PLEC: variants seen among roughly 807,000 people sequenced by gnomAD.
PLEC encodes hemidesmosomal protein 1.
In PLEC, 216 loss-of-function variants were observed where a neutral mutation model predicts 392.8. The observed-to-expected ratio is 0.55, with a 90% CI of 0.49 to 0.62. The LOEUF (loss-of-function observed/expected upper bound fraction) is 0.62, where lower values mean the gene tolerates loss of function less well. Ranked by LOEUF, PLEC falls within the 20% of genes least tolerant of loss-of-function variation. The pLI, the probability that PLEC is intolerant of heterozygous loss-of-function variation, is 0.00. For synonymous variants in PLEC, 3,621 were observed against 2,980.6 expected, an observed-to-expected ratio of 1.21 and a Z score of -7.00; for missense variants, 6,863 against 6,563.4, an observed-to-expected ratio of 1.05 and a Z score of -1.58.
At chr8:143,975,117 C>A (rs1833613098), upstream of PLEC, 4 of 1,550,178 alleles carry the variant, frequency 2.6e-6, no homozygotes, top group Non-Finnish European at 3.5e-6. This position sits in a 1 kb window ranked among gnomAD's most constrained non-coding sequence, Gnocchi z 9.9. Flanking sequence ...TAGCACGCAG[C>A]GGGAACTCAG....
chr8:143,920,147 T>G lies in PLEC; in HGVS notation c.9674A>C (p.Tyr3225Ser). ...KAARARQEEL[Y>S]SELQARETFE... ...GGTCTCACGGGCCTGCAGCTCTGAG[T>G]AGAGCTCCTCCTGCCGGGCCCGAGC... Residue 3225 changes from tyrosine to serine, a missense_variant, in exon 32 of 32, where the codon TAC becomes TCC. By Grantham distance (144) the Tyr-to-Ser change is moderately radical. Coordinates refer to ENST00000345136, the MANE Select transcript of PLEC (RefSeq NM_201384.3). 2.5e-6 allele frequency: 4 copies of G among 1,612,682 alleles called. No individual in the cohort carries two copies. Among genetic ancestry groups the G allele is most frequent in the South Asian group, 2.2e-5 (2 of 91,090 alleles).
At chr8:143,943,075 C>T (rs1042201073), upstream of PLEC, among the ~76,000 whole-genome samples, 4 of 152,174 alleles carry the variant, frequency 2.6e-5, no homozygotes, top group Admixed American at 1.3e-4. Flanking sequence ...CCGGCAGCTC[C>T]GGGCGTCCCC....
In PLEC at chr8:143,919,600, C is replaced by A. The variant is rs797044719; in HGVS notation, c.10221G>T (p.Leu3407=). ...CCGCCTTCACGGCCTCGTGGACATACAGGCGCTGGTTCCGCACGGGGTCCA... is the reference window on the plus strand; with the variant it reads ...CCGCCTTCACGGCCTCGTGGACATAAAGGCGCTGGTTCCGCACGGGGTCCA... The part of the protein sequence containing the change: ...FLVDPVRNQR[L]YVHEAVKAGV... The change falls in exon 32 of 32, where the codon CTG becomes CTT. Residue 3407 remains leucine, a synonymous_variant. Coordinates refer to ENST00000345136, the MANE Select transcript of PLEC (RefSeq NM_201384.3). The A allele has an allele frequency of 1.3e-6, 2 of 1,593,956 alleles. No individual in the cohort carries two copies. Among genetic ancestry groups the A allele is most frequent in the Non-Finnish European group, 1.7e-6 (2 of 1,172,530 alleles).
In PLEC at chr8:143,919,794, C is replaced by G; in HGVS notation, c.10027G>C (p.Glu3343Gln). The change falls in exon 32 of 32, where the codon GAG becomes CAG. Residue 3343 changes from glutamate (E) to glutamine (Q), a missense_variant. Coordinates refer to ENST00000345136, the MANE Select transcript of PLEC (RefSeq NM_201384.3). Reference sequence around the variant, plus strand: ...AGCAGCGTCCGCACGGAGCCCAGCTCCGAAAGGTCCTTGACCGTCGTCTTG... The same window carrying G: ...AGCAGCGTCCGCACGGAGCCCAGCTGCGAAAGGTCCTTGACCGTCGTCTTG... ...DGKTTVKDLS[E>Q]LGSVRTLLQG... 1 of 1,612,776 alleles carries G rather than the reference C, an allele frequency of 6.2e-7. No individual in the cohort carries two copies.
upstream of PLEC, among the ~76,000 whole-genome samples, chr8:143,973,985 C>A (rs1554745273): frequency 6.6e-6 from 1 of 152,240 alleles, no homozygotes; most frequent in Non-Finnish European, 1.5e-5. This position sits in a 1 kb window ranked among gnomAD's most constrained non-coding sequence, Gnocchi z 5.6. Flanking sequence ...CTGGAATAGC[C>A]CATTCACAGA....
chr8:143,966,055 AT>A (rs1370537318), intron 1 of PLEC, among the ~76,000 whole-genome samples: 2 of 151,560 alleles, frequency 1.3e-5, no homozygotes, highest in African/African-American at 4.9e-5. Context: ...CACTTCCCAC[AT>A]GCCCCCTGGC....
At position 143,938,762 on chromosome 8, in the gene PLEC, C is replaced by T. The variant is rs1829767162; in HGVS notation, c.113-70G>A. On this transcript the variant is annotated intron_variant, in intron 1 of 31. Coordinates refer to ENST00000345136, the MANE Select transcript of PLEC (RefSeq NM_201384.3). ...CGGGGGCCCTCAGGTGACCACCGTG[C>T]AGACACAGCAGCCTGGCTGGCCAGG... 28 of 1,329,228 alleles carry T rather than the reference C, an allele frequency of 2.1e-5. No individual in the cohort carries two copies. The South Asian group carries it at 3.0e-4, about 14-fold the overall frequency. 82.3% of individuals were successfully genotyped at this position (1,329,228 alleles called of 1,614,324 possible).
rs1283658319 is a variant in PLEC, at chr8:143,932,056, AGGCCCCGCCCCGCCCCGCCTGG to A, written c.2083-46_2083-25del. On this transcript the variant is annotated intron_variant, in intron 17 of 31. Transcript: ENST00000345136. Reference sequence around the variant, plus strand: ...GACTGCGGGACAGCAGGTCCCGGTCAGGCCCCGCCCCGCCCCGCCTGGGGACCCGGCACGGCCCCCCCCGCAG... The same window carrying A: ...GACTGCGGGACAGCAGGTCCCGGTCAGGACCCGGCACGGCCCCCCCCGCAG... 1.9e-6 allele frequency: 3 copies of A among 1,558,570 alleles called. No homozygotes were observed. The East Asian group carries it at 7.1e-5, about 37-fold the overall frequency.
rs369877618 is a variant in PLEC at position 143,933,310 on chromosome 8, C to A, written c.1305G>T (p.Ala435=). 4 of 1,612,864 alleles carry A rather than the reference C, an allele frequency of 2.5e-6. No homozygotes were observed. Among genetic ancestry groups the A allele is most frequent in the Non-Finnish European group, 8.5e-7 (1 of 1,179,974 alleles). The change falls in exon 13 of 32, where the codon GCG becomes GCT. Residue 435 remains alanine, a synonymous_variant. Transcript: ENST00000345136. The part of the protein sequence containing the change: ...LLAAGKVPQR[A]GEVERDLDKA... ...TGTCCAAGTCCCGTTCCACCTCCCC[C>A]GCCCGCTGTGGCACTTTGCCTGCAG... is the stretch of plus-strand genomic sequence containing the variant.
chr8:143,942,565 T>G, upstream of PLEC: 1 of 1,496,352 alleles, frequency 6.7e-7, no homozygotes, highest in South Asian at 1.2e-5. Context: ...TGCGGGGAGC[T>G]GGACCGCGGC....
At position 143,922,017 on chromosome 8, in the gene PLEC, C is replaced by T. The variant is rs1554688019; in HGVS notation, c.7804G>A (p.Glu2602Lys). The T allele has an allele frequency of 6.3e-7, 1 of 1,597,596 alleles. No homozygotes were observed. Among genetic ancestry groups the T allele is most frequent in the Non-Finnish European group, 8.5e-7 (1 of 1,179,424 alleles). Residue 2602 changes from glutamate (E) to lysine (K), a missense_variant, in exon 32 of 32, where the codon GAG becomes AAG. By Grantham distance (56) the Glu-to-Lys change is moderately conservative (BLOSUM62 1). Transcript: ENST00000345136. ...QRLREQLQLLEEQHRAALAHS... is the reference protein window; with the variant it reads ...QRLREQLQLLKEQHRAALAHS... Reference sequence around the variant, plus strand: ...GCCAGCGCGGCCCGGTGCTGCTCCTCCAGGAGCTGCAGCTGCTCACGCAGC... The same window carrying T: ...GCCAGCGCGGCCCGGTGCTGCTCCTTCAGGAGCTGCAGCTGCTCACGCAGC...
Position 143,919,344 on chromosome 8 carries a change from A to G in PLEC, c.10477T>C (p.Tyr3493His). Residue 3493 changes from tyrosine to histidine, a missense_variant, in exon 32 of 32, where the codon TAC becomes CAC. Coordinates refer to ENST00000345136, the MANE Select transcript of PLEC (RefSeq NM_201384.3). ...ACGCGGTTCATCTCCTCACTGAAGT[A>G]GCCGCGCTGGTAGGCCACGTCCACA... ...VPVDVAYQRG[Y>H]FSEEMNRVLA... The G allele has an allele frequency of 6.2e-7, 1 of 1,613,890 alleles. No homozygotes were observed.
At chr8:143,975,623 A>T (rs570472139), upstream of PLEC, among the ~76,000 whole-genome samples, 16 of 148,944 alleles carry the variant, frequency 1.1e-4, no homozygotes, top group African/African-American at 3.7e-4. This position sits in a 1 kb window ranked among gnomAD's most constrained non-coding sequence, Gnocchi z 9.9. Flanking sequence ...CACTCCTCAG[A>T]TACCTACACA....
chr8:143,919,601 A>G lies in PLEC; in HGVS notation c.10220T>C (p.Leu3407Pro). Residue 3407 changes from leucine (L) to proline (P), a missense_variant, in exon 32 of 32, where the codon CTG becomes CCG. Coordinates refer to ENST00000345136, the MANE Select transcript of PLEC (RefSeq NM_201384.3). ...FLVDPVRNQR[L>P]YVHEAVKAGV... The stretch of plus-strand genomic sequence containing the variant: ...CGCCTTCACGGCCTCGTGGACATAC[A>G]GGCGCTGGTTCCGCACGGGGTCCAC... The G allele has an allele frequency of 5.0e-6, 8 of 1,593,022 alleles. No individual in the cohort carries two copies. Among genetic ancestry groups the G allele is most frequent in the Non-Finnish European group, 6.8e-6 (8 of 1,172,158 alleles).
upstream of PLEC, among the ~76,000 whole-genome samples, chr8:143,951,331 C>A (rs1424553325): frequency 1.3e-5 from 2 of 151,982 alleles, no homozygotes; most frequent in African/African-American, 4.8e-5. Flanking sequence ...GGATGCGAGG[C>A]TTGAGCGGAG....
rs547419860 is a variant in PLEC at position 143,921,552 on chromosome 8, C to T, written c.8269G>A (p.Gly2757Ser). 7 of 1,612,732 alleles carry T rather than the reference C, an allele frequency of 4.3e-6. No homozygotes were observed. Among genetic ancestry groups the T allele is most frequent in the Middle Eastern group, 1.7e-4 (1 of 6,060 alleles). ...RLTVNEAVKE[G>S]VVGPELHHKL... ...TGGTGCAGCTCGGGGCCCACCACAC[C>T]CTCCTTCACAGCCTCGTTGACGGTC... The change falls in exon 32 of 32, where the codon GGT (glycine) becomes AGT (serine). Residue 2757 changes from glycine to serine, a missense_variant. Physicochemically the swap from Gly to Ser is moderately conservative, Grantham distance 56. Coordinates refer to ENST00000345136, the MANE Select transcript of PLEC (RefSeq NM_201384.3).
intron 2 of PLEC, 131 bp from the exon 3 acceptor site, chr8:143,938,371 G>C (rs1449607164): frequency 1.3e-6 from 2 of 1,535,588 alleles, no homozygotes; most frequent in African/African-American, 2.7e-5. Context: ...GGAGCCCACG[G>C]AACACACCCT....
At chr8:143,942,517 C>A (rs1241320967), upstream of PLEC, 8 of 1,563,692 alleles carry the variant, frequency 5.1e-6, no homozygotes, top group Non-Finnish European at 6.0e-6. Context: ...CCCCGACATG[C>A]CGGCCACGGC....
Position 143,926,965 on chromosome 8 carries a change from G to C in PLEC, c.3945+12C>G. On this transcript the variant is annotated intron_variant, in intron 29 of 31. Coordinates refer to ENST00000345136, the MANE Select transcript of PLEC (RefSeq NM_201384.3). ...CCAGCCCCTCACCCAGTTAGGTTCG[G>C]CCCCACCCTACCTCCTGGATGACAC... 1.9e-6 allele frequency: 3 copies of C among 1,610,594 alleles called. No homozygotes were observed. The highest frequency in any genetic ancestry group is 2.5e-6 in the Non-Finnish European group (3 of 1,177,582).
Sources: allele counts gnomAD v4.1 joint callset (sites outside exome capture counted in the v4.1 genomes callset), GRCh38; gene constraint gnomAD v4.1.1; non-coding constraint Gnocchi (gnomAD v3.1); transcripts MANE v1.5; gene names NCBI Gene and HGNC (gene_info 2026-07-23, HGNC 2026-07-21).